The following CDH4 variants were observed in gnomAD, a reference collection of about 807,000 sequenced individuals.
CDH4 encodes cadherin 4.
A neutral mutation model predicts 86.0 loss-of-function variants in CDH4; 33 were observed. The observed-to-expected ratio is 0.38, with a 90% CI of 0.29 to 0.51. CDH4 has a LOEUF of 0.51. Among genes scored for constraint, CDH4 ranks in the 20% least tolerant of loss-of-function variants. The pLI is 0.86. For missense variants in CDH4, 1,114 were observed against 1,307.4 expected, an observed-to-expected ratio of 0.85 and a Z score of 2.28; for synonymous variants, 555 against 549.4, an observed-to-expected ratio of 1.01 and a Z score of -0.14.
At chr20:61,588,250 T>C (rs1436767479) in intron 2 of CDH4, among the ~76,000 whole-genome samples, 1 of 152,176 alleles carries the variant, frequency 6.6e-6, no homozygotes, top group Non-Finnish European at 1.5e-5. Context: ...GATTTTTAAA[T>C]TGGTTTCCAA....
intron 2 of CDH4, among the ~76,000 whole-genome samples, chr20:61,712,625 AC>A (rs2087905680): frequency 6.6e-6 from 1 of 152,114 alleles, no homozygotes; most frequent in East Asian, 1.9e-4. Flanking sequence ...GGTGCAAAAA[AC>A]CAATCCTACA....
intron 2 of CDH4, among the ~76,000 whole-genome samples, chr20:61,615,986 C>T (rs1032298074): frequency 3.3e-5 from 5 of 152,220 alleles, no homozygotes; most frequent in Admixed American, 2.6e-4. Flanking sequence ...GAAGGCCACG[C>T]GATGGCCACG....
intron 2 of CDH4, among the ~76,000 whole-genome samples, chr20:61,538,487 T>C (rs984441072): frequency 6.6e-6 from 1 of 152,130 alleles, no homozygotes; most frequent in Non-Finnish European, 1.5e-5. Flanking sequence ...ACCTCATCCT[T>C]CCCTCCTCTC....
At chr20:61,928,164 T>G (rs763129273) in intron 11 of CDH4, 26 bp from the exon 12 acceptor site, 63 of 1,573,644 alleles carry the variant, frequency 4.0e-5, no homozygotes, top group Non-Finnish European at 5.4e-5. Context: ...GAGTGGCCCG[T>G]GTGGTGACCT....
At chr20:61,899,794 A>G (rs6121836) in intron 8 of CDH4, among the ~76,000 whole-genome samples, 17,944 of 152,196 alleles carry the variant, frequency 0.12, 2,473 homozygotes, top group East Asian at 0.45. Context: ...GTCTCCGAGG[A>G]CAGGATGAGT....
At chr20:61,702,326 C>T (rs2087785561) in intron 2 of CDH4, among the ~76,000 whole-genome samples, 2 of 152,248 alleles carry the variant, frequency 1.3e-5, no homozygotes, top group East Asian at 3.9e-4. Flanking sequence ...GAATCGGGGG[C>T]CCAGGATGGG....
intron 2 of CDH4, among the ~76,000 whole-genome samples, chr20:61,407,913 T>C (rs1338326849): frequency 6.6e-6 from 1 of 152,156 alleles, no homozygotes; most frequent in Admixed American, 6.5e-5. Context: ...GCAACGCTAA[T>C]TGTCTTAGCT....
At chr20:61,793,451 G>A (rs1409818345) in intron 4 of CDH4, among the ~76,000 whole-genome samples, 1 of 152,216 alleles carries the variant, frequency 6.6e-6, no homozygotes, top group African/African-American at 2.4e-5. Context: ...GGGCTAGGGG[G>A]ATAATAAGAG....
At chr20:61,308,848 A>T (rs898094932) in intron 2 of CDH4, among the ~76,000 whole-genome samples, 14 of 152,162 alleles carry the variant, frequency 9.2e-5, no homozygotes, top group African/African-American at 3.1e-4. Context: ...CTTCCTGTAC[A>T]TCTGAATTTA....
At chr20:61,795,329 T>A (rs1979483187) in intron 4 of CDH4, among the ~76,000 whole-genome samples, 1 of 151,834 alleles carries the variant, frequency 6.6e-6, no homozygotes, top group South Asian at 2.1e-4. Context: ...CACCATAGTA[T>A]CCTGAGCCCC....
intron 2 of CDH4, among the ~76,000 whole-genome samples, chr20:61,617,901 G>A (rs560236738): frequency 1.5e-4 from 23 of 152,258 alleles, no homozygotes; most frequent in Middle Eastern, 6.8e-3. Context: ...TCATGGAGGC[G>A]GTTTCTCCCA....
intron 9 of CDH4, among the ~76,000 whole-genome samples, chr20:61,916,491 A>T (rs889117262): frequency 1.3e-5 from 2 of 152,264 alleles, no homozygotes; most frequent in Non-Finnish European, 1.5e-5. Flanking sequence ...GACTGAATCA[A>T]TGGTATTAGC....
Position 61,672,282 on chromosome 20 carries a change from G to T in CDH4, c.170-71281G>T, listed in dbSNP as rs375010632. Among the ~76,000 whole-genome samples, 68 of 152,196 alleles carry T rather than the reference G, an allele frequency of 4.5e-4. 1 individual carries two copies. The East Asian group carries it at 0.012, about 28-fold the overall frequency. ...GGGTGGGTGGATAAACAGATGAACGGGTGAGTGGATGGATGGGTGTGTGGA... is the reference window on the plus strand; with the variant it reads ...GGGTGGGTGGATAAACAGATGAACGTGTGAGTGGATGGATGGGTGTGTGGA... On this transcript the variant is annotated intron_variant, in intron 2 of 15. Transcript: ENST00000614565.
chr20:61,381,635 T>TC (rs775561863), intron 2 of CDH4, among the ~76,000 whole-genome samples: 1 of 151,622 alleles, frequency 6.6e-6, no homozygotes, highest in African/African-American at 2.4e-5. Context: ...CCGCAGAATG[T>TC]CCCCCCTTGG....
chr20:61,574,131 G>A (rs530081996), intron 2 of CDH4, among the ~76,000 whole-genome samples: 1 of 152,234 alleles, frequency 6.6e-6, no homozygotes, highest in African/African-American at 2.4e-5. Context: ...TGGGCCCCTC[G>A]CCTGGAGCTT....
intron 4 of CDH4, among the ~76,000 whole-genome samples, chr20:61,813,953 A>G (rs1231921732): frequency 1.3e-5 from 2 of 152,136 alleles, no homozygotes; most frequent in Non-Finnish European, 2.9e-5. Flanking sequence ...CCCCAGCCCA[A>G]TATGTAGCAG....
intron 2 of CDH4, among the ~76,000 whole-genome samples, chr20:61,366,277 C>T (rs886842159): frequency 5.9e-5 from 9 of 152,254 alleles, no homozygotes; most frequent in South Asian, 2.1e-4. Flanking sequence ...CATTCTAAGA[C>T]GAGATTTCTG....
chr20:61,909,124 G>A (rs1350898471), intron 8 of CDH4, among the ~76,000 whole-genome samples: 2 of 152,206 alleles, frequency 1.3e-5, no homozygotes, highest in African/African-American at 4.8e-5. Context: ...CCCTAACAGT[G>A]CCTCATGCCA....
At chr20:61,797,096 C>A (rs1366960359) in intron 4 of CDH4, among the ~76,000 whole-genome samples, 2 of 145,502 alleles carry the variant, frequency 1.4e-5, no homozygotes, top group Non-Finnish European at 3.0e-5. Context: ...CCCCCCCCCC[C>A]AACACTGGCC....
Sources: gnomAD v4.1 joint callset for allele counts (sites outside exome capture counted in the v4.1 genomes callset) on GRCh38, gnomAD v4.1.1 for gene constraint, MANE v1.5 for transcripts, NCBI Gene and HGNC (gene_info 2026-07-23, HGNC 2026-07-21) for gene names.